LMTK2: variants seen among roughly 807,000 people sequenced by gnomAD.
LMTK2 encodes serine/threonine-protein kinase LMTK2.
In LMTK2, 37 loss-of-function variants were observed where a neutral mutation model predicts 127.5. The observed-to-expected ratio is 0.29, with a 90% CI of 0.22 to 0.38. The LOEUF is 0.38. Ranked by LOEUF, LMTK2 falls within the 10% of genes least tolerant of loss-of-function variation. LMTK2 has a pLI of 1.00. For missense variants in LMTK2, 1,694 were observed against 1,920.3 expected (o/e 0.88, Z 2.20); for synonymous variants, 819 against 810.1 (o/e 1.01, Z -0.19).
intron 7 of LMTK2, among the ~76,000 whole-genome samples, chr7:98,180,749 A>G (rs1797342963): frequency 6.6e-6 from 1 of 152,238 alleles, no homozygotes; most frequent in Non-Finnish European, 1.5e-5. Context: ...TATAAATTAT[A>G]TTAATATTTA....
chr7:98,180,866 A>G (rs1178454193), intron 7 of LMTK2, among the ~76,000 whole-genome samples: 72 of 152,128 alleles, frequency 4.7e-4, no homozygotes, highest in Non-Finnish European at 1.5e-5. Context: ...TCACTCTGAA[A>G]ATACAAGGAA....
intron 1 of LMTK2, among the ~76,000 whole-genome samples, chr7:98,128,628 A>G (rs1029092428): frequency 3.3e-5 from 5 of 152,234 alleles, no homozygotes; most frequent in African/African-American, 1.2e-4. Flanking sequence ...GTTCCTAAAC[A>G]CACGTTGGCA....
chr7:98,107,173 G>A lies in LMTK2; in HGVS notation c.-5G>A. 1.4e-6 allele frequency: 2 copies of A among 1,439,868 alleles called. No individual in the cohort carries two copies. Among genetic ancestry groups the A allele is most frequent in the Non-Finnish European group, 1.8e-6 (2 of 1,105,248 alleles). 89.2% of individuals were successfully genotyped at this position (1,439,868 alleles called of 1,614,324 possible). A position where few individuals can be genotyped will look rare whatever the true frequency, so the allele number is the denominator to read the frequency against. On this transcript the variant is annotated 5_prime_UTR_variant, in exon 1 of 14. Transcript: ENST00000297293. Reference sequence around the variant, plus strand: ...GGCCGGCCCCGGAGCCGCGCCGTGGGCGAGATGCCGGGGCCGCCGGCGTTG... The same window carrying A: ...GGCCGGCCCCGGAGCCGCGCCGTGGACGAGATGCCGGGGCCGCCGGCGTTG...
chr7:98,190,074 A>C (rs1213313641), intron 9 of LMTK2, among the ~76,000 whole-genome samples: 1 of 152,008 alleles, frequency 6.6e-6, no homozygotes, highest in Non-Finnish European at 1.5e-5. Flanking sequence ...TTTTTAGAAC[A>C]TTCTGATGGT....
At chr7:98,175,906 A>C (rs1797269433) in intron 7 of LMTK2, among the ~76,000 whole-genome samples, 1 of 152,242 alleles carries the variant, frequency 6.6e-6, no homozygotes, top group Non-Finnish European at 1.5e-5. Flanking sequence ...TTTAATGAAC[A>C]GGTGGCTCCA....
At chr7:98,173,856 A>T (rs1797233122) in intron 7 of LMTK2, among the ~76,000 whole-genome samples, 1 of 152,194 alleles carries the variant, frequency 6.6e-6, no homozygotes, top group African/African-American at 2.4e-5. Context: ...GGAGATCGAG[A>T]CTGTCCTGGC....
chr7:98,142,324 C>T (rs1032838333), intron 3 of LMTK2, among the ~76,000 whole-genome samples: 6 of 151,918 alleles, frequency 3.9e-5, no homozygotes, highest in African/African-American at 1.5e-4. Context: ...GCAGGCATGA[C>T]TATAAGAAAA....
chr7:98,168,749 TGCAG>T (rs1161016765), intron 6 of LMTK2, among the ~76,000 whole-genome samples: 2 of 152,156 alleles, frequency 1.3e-5, no homozygotes, highest in Admixed American at 6.5e-5. Flanking sequence ...ACCAGGGCGT[TGCAG>T]GTCACTTGCT....
Position 98,194,417 on chromosome 7 carries a change from G to A in LMTK2, c.3952G>A (p.Val1318Met), listed in dbSNP as rs369984636. ...GTCGGAGGACGAGACCGAGCACCCC[G>A]TGCCCATCATCCTCAGCAACGAGGA... Reference protein sequence around the residue: ...SESEDETEHPVPIILSNEDGR... With the variant: ...SESEDETEHPMPIILSNEDGR... Residue 1318 changes from valine to methionine, a missense_variant, in exon 11 of 14, where the codon GTG becomes ATG. By Grantham distance (21) the Val-to-Met change is conservative. This residue lies in a region of LMTK2 where 554 missense variants were observed against 567.7 expected (regional missense o/e 0.98). Coordinates refer to ENST00000297293, the MANE Select transcript of LMTK2 (RefSeq NM_014916.4). This position sits in a 1 kb window ranked among gnomAD's most constrained non-coding sequence, Gnocchi z 5.4. The A allele has an allele frequency of 1.2e-5, 20 of 1,614,034 alleles. No individual in the cohort carries two copies. The highest frequency in any genetic ancestry group is 6.7e-5 in the African/African-American group (5 of 74,906).
intron 1 of LMTK2, among the ~76,000 whole-genome samples, chr7:98,115,504 G>GA (rs1330834747): frequency 6.6e-6 from 1 of 152,092 alleles, no homozygotes; most frequent in African/African-American, 2.4e-5. Flanking sequence ...ACTGCTGGCT[G>GA]AAATCAAGAA....
intron 11 of LMTK2, among the ~76,000 whole-genome samples, chr7:98,198,906 C>T (rs1441271207): frequency 2.0e-5 from 3 of 152,102 alleles, no homozygotes; most frequent in Non-Finnish European, 4.4e-5. Context: ...AAGACTTCCT[C>T]TTGGGAGCAT....
chr7:98,116,949 T>C (rs1796295673), intron 1 of LMTK2, among the ~76,000 whole-genome samples: 1 of 152,234 alleles, frequency 6.6e-6, no homozygotes, highest in Admixed American at 6.5e-5. Flanking sequence ...ACGATTAGAC[T>C]GGGGGTGTGG....
chr7:98,114,121 C>T (rs547437554), intron 1 of LMTK2, among the ~76,000 whole-genome samples: 2 of 152,164 alleles, frequency 1.3e-5, no homozygotes, highest in African/African-American at 4.8e-5. Flanking sequence ...AAGAGTGACT[C>T]TGTATTCCTC....
chr7:98,174,718 G>A (rs1461076178), intron 7 of LMTK2, among the ~76,000 whole-genome samples: 1 of 152,222 alleles, frequency 6.6e-6, no homozygotes, highest in Non-Finnish European at 1.5e-5. Context: ...GGATTTGCCA[G>A]GTTGTAGCAT....
At chr7:98,151,531 T>C in intron 4 of LMTK2, 76 bp downstream of exon 4, 1 of 1,216,718 alleles carries the variant, frequency 8.2e-7, no homozygotes, top group South Asian at 1.3e-5. Flanking sequence ...AAGAATTGTG[T>C]TGTGTGGAGT....
chr7:98,144,706 A>C (rs1184516869), intron 3 of LMTK2, among the ~76,000 whole-genome samples: 1 of 150,800 alleles, frequency 6.6e-6, no homozygotes, highest in African/African-American at 2.4e-5. Context: ...AAGTACAGAC[A>C]TATCTATTAT....
chr7:98,114,799 C>A (rs1290332698), intron 1 of LMTK2, among the ~76,000 whole-genome samples: 2 of 152,150 alleles, frequency 1.3e-5, no homozygotes, highest in African/African-American at 2.4e-5. Flanking sequence ...TCCATATATT[C>A]TCCCTGTTTG....
chr7:98,140,907 A>G (rs1161486612), intron 2 of LMTK2, among the ~76,000 whole-genome samples: 8 of 151,768 alleles, frequency 5.3e-5, no homozygotes, highest in African/African-American at 1.9e-4. Context: ...AATTCAAAAA[A>G]TTACCTGGGC....
At chr7:98,117,263 C>G (rs985527748) in intron 1 of LMTK2, among the ~76,000 whole-genome samples, 2 of 152,154 alleles carry the variant, frequency 1.3e-5, no homozygotes, top group Non-Finnish European at 2.9e-5. Context: ...TTCCTCTTCC[C>G]CTTCCCTTTC....
Sources: gnomAD v4.1 joint callset for allele counts (sites outside exome capture counted in the v4.1 genomes callset) on GRCh38, gnomAD v4.1.1 for gene constraint, gnomAD v4.1.1 regional missense constraint, Gnocchi (gnomAD v3.1) non-coding constraint, MANE v1.5 for transcripts, NCBI Gene and HGNC (gene_info 2026-07-23, HGNC 2026-07-21) for gene names.